Variants in EYA4 observed in about 807,000 individuals in gnomAD.
EYA4 encodes protein phosphatase EYA4.
EYA4 carries 31 observed loss-of-function variants against 87.9 expected under a neutral mutation model. The ratio of observed to expected loss-of-function variants is 0.35; its 90% CI spans 0.27 to 0.48. EYA4 has a LOEUF of 0.48. EYA4 is among the 20% of genes least tolerant of loss of function. EYA4 has a pLI of 0.99. For missense variants in EYA4, 678 were observed against 761.4 expected (o/e 0.89, Z 1.29); for synonymous variants, 263 against 270.6 (o/e 0.97, Z 0.28).
At chr6:133,499,972 G>C (rs1797967153) in intron 13 of EYA4, among the ~76,000 whole-genome samples, 2 of 151,382 alleles carry the variant, frequency 1.3e-5, no homozygotes, top group South Asian at 4.2e-4. Flanking sequence ...ATATCTTATA[G>C]ACCAGTATTT....
At position 133,266,765 on chromosome 6, in the gene EYA4, A is replaced by G. The variant is rs184086624; in HGVS notation, c.-65-7951A>G. ...GTCAGTTATGTACCTGAAAAATGTG[A>G]AAAAGGAAAGAAAAATCTTTTAGGA... On this transcript the variant is annotated intron_variant, in intron 1 of 19. Transcript: ENST00000355286. Among the ~76,000 whole-genome samples the G allele has an allele frequency of 4.3e-3, 661 of 152,224 alleles. 6 individuals carry two copies. The highest frequency in any genetic ancestry group is 0.015 in the African/African-American group (632 of 41,520).
chr6:133,242,679 CTTTG>C (rs1441936226), intron 1 of EYA4, among the ~76,000 whole-genome samples: 1 of 152,142 alleles, frequency 6.6e-6, no homozygotes, highest in Non-Finnish European at 1.5e-5. Flanking sequence ...AGTTTTCTCC[CTTTG>C]TTTGCGAGAT....
At chr6:133,321,693 T>C (rs970213571) in intron 2 of EYA4, among the ~76,000 whole-genome samples, 4 of 152,210 alleles carry the variant, frequency 2.6e-5, no homozygotes, top group Non-Finnish European at 2.9e-5. Flanking sequence ...TTTGGAATTT[T>C]GGTGTGCTGG....
chr6:133,414,080 G>A (rs1022878849), intron 3 of EYA4, among the ~76,000 whole-genome samples: 2 of 152,116 alleles, frequency 1.3e-5, no homozygotes, highest in African/African-American at 4.8e-5. Context: ...CACCTTGGTA[G>A]TGGAGTCTCT....
chr6:133,437,474 G>C (rs934860499), intron 3 of EYA4, among the ~76,000 whole-genome samples: 1 of 152,022 alleles, frequency 6.6e-6, no homozygotes, highest in Non-Finnish European at 1.5e-5. Context: ...TTCTTCATCT[G>C]TAAAATGTGG....
At chr6:133,418,483 A>G (rs1789939330) in intron 3 of EYA4, among the ~76,000 whole-genome samples, 1 of 152,258 alleles carries the variant, frequency 6.6e-6, no homozygotes, top group African/African-American at 2.4e-5. Context: ...TATTGGCATT[A>G]TTCTGTGGAC....
intron 1 of EYA4, among the ~76,000 whole-genome samples, chr6:133,257,067 A>G (rs1262032703): frequency 6.6e-6 from 1 of 151,972 alleles, no homozygotes; most frequent in African/African-American, 2.4e-5. Context: ...TTCAGAAGGA[A>G]CTCTCTTGCT....
intron 2 of EYA4, among the ~76,000 whole-genome samples, chr6:133,305,765 A>C (rs1779756172): frequency 6.6e-6 from 1 of 152,186 alleles, no homozygotes; most frequent in Admixed American, 6.5e-5. Flanking sequence ...CCACTGGGGA[A>C]GTTGAAGGTA....
chr6:133,281,997 A>AT (rs1420803477), intron 2 of EYA4, among the ~76,000 whole-genome samples: 1 of 151,736 alleles, frequency 6.6e-6, no homozygotes, highest in Non-Finnish European at 1.5e-5. Context: ...TATAAACCAC[A>AT]TTTTCTTTAT....
chr6:133,335,685 G>T (rs78737503), intron 2 of EYA4, among the ~76,000 whole-genome samples: 1,834 of 152,256 alleles, frequency 0.012, 26 homozygotes, highest in African/African-American at 0.037. Flanking sequence ...TCTAGGTGGG[G>T]GAAATAATGT....
chr6:133,265,788 A>G lies in EYA4; in HGVS notation c.-65-8928A>G, dbSNP rs565142654. On this transcript the variant is annotated intron_variant, in intron 1 of 19. Transcript: ENST00000355286. ...GAACATTAATGTAAATAACTCCCCA[A>G]CAGTTCATGAAATAGATTCTGAACT... Among the ~76,000 whole-genome samples, 13 of 152,310 alleles carry G rather than the reference A, an allele frequency of 8.5e-5. No individual in the cohort carries two copies. In the South Asian group the frequency reaches 2.3e-3, roughly 27 times the overall value.
intron 1 of EYA4, among the ~76,000 whole-genome samples, chr6:133,269,816 T>G (rs995263860): frequency 6.6e-5 from 10 of 152,182 alleles, no homozygotes; most frequent in African/African-American, 2.4e-4. Flanking sequence ...TGGGAGTTTA[T>G]TAAGTATTAA....
In EYA4 at chr6:133,530,388, C is replaced by T. The variant is rs1459272954; in HGVS notation, c.*1583C>T. The T allele has an allele frequency of 1.0e-6, 1 of 985,326 alleles. No homozygotes were observed. Among genetic ancestry groups the T allele is most frequent in the Non-Finnish European group, 1.2e-6 (1 of 829,924 alleles). The allele number at this position is 985,326 out of a possible 1,614,324, so 61.0% of individuals were successfully genotyped here. Reference sequence around the variant, plus strand: ...TTGGGAACACGATACAGGTTCTCCTCTTATTTCCTATGACACGATTTCCCT... The same window carrying T: ...TTGGGAACACGATACAGGTTCTCCTTTTATTTCCTATGACACGATTTCCCT... On this transcript the variant is annotated 3_prime_UTR_variant, in exon 20 of 20. Transcript: ENST00000355286.
chr6:133,294,365 GT>G (rs1376166980), intron 2 of EYA4, among the ~76,000 whole-genome samples: 2 of 142,296 alleles, frequency 1.4e-5, no homozygotes, highest in African/African-American at 2.6e-5. Flanking sequence ...TTTTGTTTTT[GT>G]TTTTTTTGTT....
chr6:133,325,639 A>G (rs1475124398), intron 2 of EYA4, among the ~76,000 whole-genome samples: 2 of 152,056 alleles, frequency 1.3e-5, no homozygotes, highest in Non-Finnish European at 2.9e-5. Context: ...CTAAATTTTC[A>G]CTGTTTGCAT....
chr6:133,258,458 C>T (rs1775527407), intron 1 of EYA4, among the ~76,000 whole-genome samples: 1 of 152,064 alleles, frequency 6.6e-6, no homozygotes, highest in Non-Finnish European at 1.5e-5. Context: ...CATCAGCTTG[C>T]GGAGTTATAT....
chr6:133,289,307 C>A (rs1199199112), intron 2 of EYA4, among the ~76,000 whole-genome samples: 2 of 152,054 alleles, frequency 1.3e-5, no homozygotes, highest in African/African-American at 2.4e-5. Context: ...TACCTTTGTC[C>A]AGGCAAGATC....
At chr6:133,449,931 G>GT (rs1793254975) in intron 5 of EYA4, among the ~76,000 whole-genome samples, 1 of 151,936 alleles carries the variant, frequency 6.6e-6, no homozygotes, top group Admixed American at 6.6e-5. Flanking sequence ...GATAAACTTT[G>GT]ATTATTAATA....
intron 2 of EYA4, among the ~76,000 whole-genome samples, chr6:133,290,336 T>G: frequency 6.6e-6 from 1 of 152,160 alleles, no homozygotes; most frequent in Non-Finnish European, 1.5e-5. Context: ...ACTTGTGCCT[T>G]CATCAAAAAA....
Sources: gnomAD v4.1 joint callset for allele counts (sites outside exome capture counted in the v4.1 genomes callset) on GRCh38, gnomAD v4.1.1 for gene constraint, MANE v1.5 for transcripts, NCBI Gene and HGNC (gene_info 2026-07-23, HGNC 2026-07-21) for gene names.